The following ZDHHC7 variants were observed in gnomAD, a reference collection of about 807,000 sequenced individuals.
The protein encoded by ZDHHC7 is palmitoyltransferase ZDHHC7.
ZDHHC7 carries 12 observed loss-of-function variants against 34.1 expected under a neutral mutation model. The observed-to-expected ratio is 0.35, with a 90% confidence interval of 0.23 to 0.57. ZDHHC7 has a LOEUF of 0.57. Among genes scored for constraint, ZDHHC7 ranks in the 20% least tolerant of loss-of-function variants. The probability of loss-of-function intolerance (pLI) is 0.84; values close to 1 mark genes in which losing one functional copy is unlikely to be tolerated. For missense variants in ZDHHC7, 388 were observed against 402.7 expected (o/e 0.96, Z 0.31); for synonymous variants, 185 against 155.4 (o/e 1.19, Z -1.42).
At chr16:84,990,184 T>C in intron 3 of ZDHHC7, 120 bp downstream of exon 3, 3 of 1,224,322 alleles carry the variant, frequency 2.5e-6, no homozygotes, top group African/African-American at 1.5e-5. Flanking sequence ...CAATCCACCT[T>C]TCTTGTTCCA....
At chr16:85,021,122 T>TA in the ZDHHC7 span, among the ~76,000 whole-genome samples, 1 of 145,234 alleles carries the variant, frequency 6.9e-6, no homozygotes, top group African/African-American at 2.6e-5. Flanking sequence ...AATTAAAAAT[T>TA]AAAAAAGGGG....
At chr16:84,987,185 C>A (rs552410028) in intron 3 of ZDHHC7, among the ~76,000 whole-genome samples, 2 of 152,240 alleles carry the variant, frequency 1.3e-5, no homozygotes, top group Non-Finnish European at 2.9e-5. Flanking sequence ...CGTACTCCCC[C>A]TTCCTCAGTT....
intron 1 of ZDHHC7, among the ~76,000 whole-genome samples, chr16:85,008,923 T>C (rs772330108): frequency 2.0e-5 from 3 of 151,410 alleles, no homozygotes; most frequent in Non-Finnish European, 4.4e-5. Flanking sequence ...CTCAGGCCTG[T>C]AATCCCAGCT....
At chr16:85,017,207 T>G in the ZDHHC7 span, among the ~76,000 whole-genome samples, 1 of 152,198 alleles carries the variant, frequency 6.6e-6, no homozygotes, top group Non-Finnish European at 1.5e-5. Flanking sequence ...CCCAATAGAA[T>G]AATTGGCAAA....
At chr16:85,023,281 C>T in the ZDHHC7 span, among the ~76,000 whole-genome samples, 1 of 151,880 alleles carries the variant, frequency 6.6e-6, no homozygotes. Flanking sequence ...ATTCTCCTGC[C>T]TCCACCTCCG....
upstream of ZDHHC7, among the ~76,000 whole-genome samples, chr16:85,015,576 C>A (rs750017691): frequency 1.3e-5 from 2 of 152,158 alleles, no homozygotes; most frequent in Non-Finnish European, 2.9e-5. Flanking sequence ...TTGGGCCAGG[C>A]ACGGTTGCTC....
chr16:85,016,084 A>G (rs117479272), upstream of ZDHHC7, among the ~76,000 whole-genome samples: 132 of 152,270 alleles, frequency 8.7e-4, 1 homozygote, highest in East Asian at 0.023. Context: ...GGCCTAAACT[A>G]GTTTTTCAGG....
At chr16:84,977,246 G>T (rs776873564) in intron 6 of ZDHHC7, 21 bp from the exon 7 acceptor site, 19 of 1,613,258 alleles carry the variant, frequency 1.2e-5, no homozygotes, top group Non-Finnish European at 1.5e-5. Flanking sequence ...GAGGAAGTTG[G>T]TTATAACTGG....
intron 7 of ZDHHC7, 41 bp downstream of exon 7, chr16:84,977,054 G>A (rs764578529): frequency 1.2e-6 from 2 of 1,611,306 alleles, no homozygotes. Flanking sequence ...ACTCAAGCTT[G>A]GACCACATAT....
rs2143551089 is a variant in ZDHHC7, at chr16:84,979,097, C to G, written c.537+92G>C. ...GGAGAAAAGGCTGGAGAGAAACTGG[C>G]CTGACGTTAGTAGATTTCTCTGCTC... On this transcript the variant is annotated intron_variant, in intron 5 of 7. Coordinates refer to ENST00000313732, the MANE Select transcript of ZDHHC7 (RefSeq NM_017740.3). 3.9e-6 allele frequency: 5 copies of G among 1,275,070 alleles called. No homozygotes were observed. The East Asian group carries it at 1.3e-4, about 33-fold the overall frequency. 79.0% of individuals were successfully genotyped at this position (1,275,070 alleles called of 1,614,324 possible).
chr16:84,987,973 T>C (rs1243183010), intron 3 of ZDHHC7, among the ~76,000 whole-genome samples: 1 of 152,020 alleles, frequency 6.6e-6, no homozygotes, highest in Non-Finnish European at 1.5e-5. Flanking sequence ...ATCGAGACCA[T>C]CCTGGCTAAC....
At chr16:85,026,099 C>G in the ZDHHC7 span, among the ~76,000 whole-genome samples, 3 of 152,304 alleles carry the variant, frequency 2.0e-5, no homozygotes, top group South Asian at 4.1e-4. Context: ...TGATATTCCC[C>G]TAAAACAGAA....
upstream of ZDHHC7, among the ~76,000 whole-genome samples, chr16:85,015,370 G>C (rs2072829867): frequency 6.6e-6 from 1 of 152,104 alleles, no homozygotes; most frequent in East Asian, 1.9e-4. Flanking sequence ...CAAAGTGCTG[G>C]GATTACAGAT....
At chr16:84,999,204 T>C (rs1013752553) in intron 1 of ZDHHC7, among the ~76,000 whole-genome samples, 2 of 152,216 alleles carry the variant, frequency 1.3e-5, no homozygotes, top group South Asian at 2.1e-4. Flanking sequence ...AATTCAGGAC[T>C]GTGAATCGCA....
the ZDHHC7 span, among the ~76,000 whole-genome samples, chr16:85,018,004 C>T: frequency 5.3e-5 from 8 of 151,960 alleles, no homozygotes; most frequent in Admixed American, 2.0e-4. Flanking sequence ...TTGGAACTGT[C>T]GAGACACGGG....
intron 4 of ZDHHC7, among the ~76,000 whole-genome samples, chr16:84,979,772 C>G (rs2072342146): frequency 6.6e-6 from 1 of 152,020 alleles, no homozygotes; most frequent in African/African-American, 2.4e-5. Context: ...GGCATGAAGT[C>G]GTCTTGTTTT....
At chr16:85,003,017 A>G (rs1301377153) in intron 1 of ZDHHC7, among the ~76,000 whole-genome samples, 1 of 152,132 alleles carries the variant, frequency 6.6e-6, no homozygotes, top group East Asian at 1.9e-4. Flanking sequence ...CCTTTTATCC[A>G]AAAGCCCAGC....
the ZDHHC7 span, among the ~76,000 whole-genome samples, chr16:85,017,026 C>G: frequency 6.6e-6 from 1 of 151,660 alleles, no homozygotes; most frequent in East Asian, 2.0e-4. Flanking sequence ...ATTGCAACCT[C>G]TGCCTCCTAG....
intron 1 of ZDHHC7, among the ~76,000 whole-genome samples, chr16:85,003,761 C>T (rs896716858): frequency 6.6e-6 from 1 of 152,146 alleles, no homozygotes; most frequent in Non-Finnish European, 1.5e-5. Context: ...GATCAGAACA[C>T]TGCAGATCAA....
Sources: allele counts gnomAD v4.1 joint callset (sites outside exome capture counted in the v4.1 genomes callset), GRCh38; gene constraint gnomAD v4.1.1; transcripts MANE v1.5; gene names NCBI Gene and HGNC (gene_info 2026-07-23, HGNC 2026-07-21).